Variants in CHN2 observed in about 807,000 individuals in gnomAD.
CHN2 encodes the protein chimerin 2.
CHN2 carries 35 observed loss-of-function variants against 56.3 expected under a neutral mutation model. The ratio of observed to expected loss-of-function variants is 0.62; its 90% CI spans 0.47 to 0.82. The LOEUF (loss-of-function observed/expected upper bound fraction) is 0.82, where lower values mean the gene tolerates loss of function less well. Ranked by LOEUF, CHN2 falls within the 40% of genes least tolerant of loss-of-function variation. CHN2 has a pLI of 0.00. For missense variants in CHN2, 491 were observed against 580.5 expected (o/e 0.85, Z 1.58); for synonymous variants, 210 against 212.8 (o/e 0.99, Z 0.12).
At chr7:29,345,260 GATA>G (rs1301759967) in intron 1 of CHN2, among the ~76,000 whole-genome samples, 1 of 152,240 alleles carries the variant, frequency 6.6e-6, no homozygotes, top group African/African-American at 2.4e-5. Context: ...TGGAGGACAA[GATA>G]AATAGGTTCC....
rs190380947 is a variant in CHN2, at chr7:29,154,779, G to A, written c.274+7819G>A. Among the ~76,000 whole-genome samples, 373 of 152,344 alleles carry A rather than the reference G, an allele frequency of 2.4e-3. 2 individuals are homozygous for A. The highest frequency in any genetic ancestry group is 3.6e-3 in the Non-Finnish European group (242 of 68,034). ...GAACCCGGAAGGCAGAGGTTGCAGT[G>A]AACCAAGATTACGCCACTGCACTCC... On this transcript the variant is annotated intron_variant, in intron 2 of 6. Coordinates refer to the CHN2 transcript ENST00000439384.
At chr7:29,312,363 T>A (rs1794663318) in intron 1 of CHN2, among the ~76,000 whole-genome samples, 1 of 152,162 alleles carries the variant, frequency 6.6e-6, no homozygotes, top group African/African-American at 2.4e-5. Flanking sequence ...AATATGTTTT[T>A]TTGAACAGTT....
intron 1 of CHN2, among the ~76,000 whole-genome samples, chr7:29,229,148 A>G (rs752255598): frequency 3.9e-5 from 6 of 152,068 alleles, no homozygotes; most frequent in Non-Finnish European, 5.9e-5. Context: ...GCTTTGCAAG[A>G]GTGGGGTGGG....
intron 3 of CHN2, among the ~76,000 whole-genome samples, chr7:29,385,590 G>A (rs1189384051): frequency 6.6e-6 from 1 of 152,144 alleles, no homozygotes; most frequent in Non-Finnish European, 1.5e-5. Flanking sequence ...GGAAGGTCCC[G>A]CTGAGTTGTG....
intron 6 of CHN2, among the ~76,000 whole-genome samples, chr7:29,463,749 G>A (rs1785351523): frequency 6.6e-6 from 1 of 152,158 alleles, no homozygotes; most frequent in Non-Finnish European, 1.5e-5. Flanking sequence ...GACACCCTGG[G>A]CTCTGACTAG....
intron 1 of CHN2, chr7:29,197,788 C>T (rs1157380474): frequency 5.3e-6 from 2 of 377,866 alleles, no homozygotes; most frequent in Admixed American, 3.3e-5. Context: ...AAACAGCAAC[C>T]TCTATTCCAG....
At chr7:29,441,914 A>G (rs1386935107) in intron 6 of CHN2, among the ~76,000 whole-genome samples, 1 of 152,206 alleles carries the variant, frequency 6.6e-6, no homozygotes, top group East Asian at 1.9e-4. Context: ...TATAACTCAT[A>G]AATTCCATAT....
rs776451416 is a variant in CHN2, at chr7:29,170,073, C to G, written c.274+23113C>G. 9.3e-4 allele frequency among the ~76,000 whole-genome samples: 141 copies of G among 151,968 alleles called. 1 individual carries two copies. The highest frequency in any genetic ancestry group is 1.5e-3 in the Non-Finnish European group (104 of 67,996). ...CCTTTTGATCCTTGTATTTGGCCTT[C>G]TTGACTAATCCAGTGCTCCCAGACT... On this transcript the variant is annotated intron_variant, in intron 2 of 6. Coordinates refer to the CHN2 transcript ENST00000439384.
At chr7:29,461,696 G>A (rs1785170568) in intron 6 of CHN2, among the ~76,000 whole-genome samples, 1 of 152,192 alleles carries the variant, frequency 6.6e-6, no homozygotes, top group Non-Finnish European at 1.5e-5. Flanking sequence ...AATGAGAACA[G>A]AGGTTAGGTA....
intron 6 of CHN2, among the ~76,000 whole-genome samples, chr7:29,432,265 G>T (rs1782910116): frequency 6.6e-6 from 1 of 152,124 alleles, no homozygotes. Flanking sequence ...ATAACATCCT[G>T]ACCCAGAAGC....
intron 1 of CHN2, among the ~76,000 whole-genome samples, chr7:29,220,505 A>G (rs1785712231): frequency 6.6e-6 from 1 of 152,146 alleles, no homozygotes; most frequent in African/African-American, 2.4e-5. Context: ...GATCAAAAAG[A>G]TAAGATACTA....
intron 7 of CHN2, 67 bp downstream of exon 7, chr7:29,480,423 T>G: frequency 6.6e-7 from 1 of 1,510,708 alleles, no homozygotes; most frequent in Non-Finnish European, 9.2e-7. Flanking sequence ...GTGTATAGTT[T>G]CCGTCTGGTT....
At chr7:29,186,489 T>G (rs928402213) in intron 2 of CHN2, 6 of 151,614 alleles carry the variant, frequency 4.0e-5, no homozygotes, top group African/African-American at 1.5e-4. Flanking sequence ...GGAGGATGGA[T>G]TAAGCCCAGG....
intron 3 of CHN2, among the ~76,000 whole-genome samples, chr7:29,382,839 C>A (rs1045968658): frequency 2.0e-5 from 3 of 152,114 alleles, no homozygotes; most frequent in African/African-American, 7.2e-5. Context: ...ATTAGAATTC[C>A]AGGCAGAGGA....
intron 2 of CHN2, among the ~76,000 whole-genome samples, chr7:29,159,516 A>G (rs1295526763): frequency 6.6e-6 from 1 of 152,200 alleles, no homozygotes; most frequent in African/African-American, 2.4e-5. Flanking sequence ...TTATCATGTA[A>G]CATGTATGTG....
At chr7:29,474,363 C>A (rs1437781312) in intron 6 of CHN2, among the ~76,000 whole-genome samples, 1 of 152,222 alleles carries the variant, frequency 6.6e-6, no homozygotes, top group Non-Finnish European at 1.5e-5. Flanking sequence ...ATCTATCCAT[C>A]TATCTAGATC....
At chr7:29,204,537 T>G (rs1450350431) in intron 1 of CHN2, among the ~76,000 whole-genome samples, 1 of 152,214 alleles carries the variant, frequency 6.6e-6, no homozygotes, top group African/African-American at 2.4e-5. Flanking sequence ...ATACTATTTT[T>G]GCTGATTTTC....
chr7:29,489,400 CAGTG>C lies in CHN2; in HGVS notation c.655-6550_655-6547del, dbSNP rs1189827300. 7.9e-5 allele frequency among the ~76,000 whole-genome samples: 12 copies of C among 152,302 alleles called. No homozygotes were observed. In the South Asian group the frequency reaches 2.5e-3, roughly 32 times the overall value. On this transcript the variant is annotated intron_variant, in intron 7 of 12. Transcript: ENST00000222792. ...TCTCTAAAAAGATATTCTTGCAAAT[CAGTG>C]AACTTCAGAAAATGGAAAAAGCCGA...
At chr7:29,494,950 TAAAAAAAAAAAAAAA>T (rs5883217) in intron 7 of CHN2, among the ~76,000 whole-genome samples, 49 of 64,662 alleles carry the variant, frequency 7.6e-4, no homozygotes, top group East Asian at 4.0e-3. Flanking sequence ...AAGCAGTTTG[TAAAAAAAAAAAAAAA>T]AAAAAAAAAA....
Sources: allele counts gnomAD v4.1 joint callset (sites outside exome capture counted in the v4.1 genomes callset), GRCh38; gene constraint gnomAD v4.1.1; transcripts MANE v1.5; gene names NCBI Gene and HGNC (gene_info 2026-07-23, HGNC 2026-07-21).